The following ITSN2 variants were observed in gnomAD, a reference collection of about 807,000 sequenced individuals.
ITSN2 encodes the protein intersectin 2.
A neutral mutation model predicts 243.7 loss-of-function variants in ITSN2; 156 were observed. That is an observed-to-expected ratio of 0.64 (90% CI 0.56 to 0.73). The LOEUF (loss-of-function observed/expected upper bound fraction) is 0.73. Among genes scored for constraint, ITSN2 ranks in the 30% least tolerant of loss-of-function variants. The pLI, the probability that ITSN2 is intolerant of heterozygous loss-of-function variation, is 0.00. For missense variants in ITSN2, 1,801 were observed against 1,996.1 expected (o/e 0.90, Z 1.86); for synonymous variants, 703 against 699.9 (o/e 1.00, Z -0.07).
chr2:24,247,238 A>T (rs1673496506), intron 27 of ITSN2, among the ~76,000 whole-genome samples: 2 of 152,276 alleles, frequency 1.3e-5, no homozygotes, highest in South Asian at 4.2e-4. Flanking sequence ...CCCCAGTCAA[A>T]ACTGCACACC....
intron 37 of ITSN2, among the ~76,000 whole-genome samples, chr2:24,207,172 T>TACTC (rs1223085456): frequency 6.6e-6 from 1 of 152,036 alleles, no homozygotes; most frequent in Non-Finnish European, 1.5e-5. Flanking sequence ...GAAAAAAGAA[T>TACTC]ACTCCAGAAA....
At chr2:24,220,328 T>C (rs1670325630) in intron 30 of ITSN2, 2 of 985,264 alleles carry the variant, frequency 2.0e-6, no homozygotes, top group African/African-American at 1.7e-5. Flanking sequence ...ATAGTAGAAA[T>C]GGAAAGTCTT....
intron 35 of ITSN2, 135 bp from the exon 36 acceptor site, chr2:24,209,356 T>C (rs1669249831): frequency 2.2e-6 from 2 of 912,774 alleles, no homozygotes; most frequent in Non-Finnish European, 3.3e-6. Flanking sequence ...TAAGGTCTTC[T>C]ACACAGAACA....
chr2:24,303,798 C>T lies in ITSN2; in HGVS notation c.857+1G>A. 6.3e-7 allele frequency: 1 copy of T among 1,586,488 alleles called. No homozygotes were observed. Among genetic ancestry groups the T allele is most frequent in the Non-Finnish European group, 8.7e-7 (1 of 1,155,076 alleles). ...CAAATGTAATTAAGGGACAAACTTACCAAATAGTAGCCAGCTGAGTTTGAG... is the reference window on the plus strand; with the variant it reads ...CAAATGTAATTAAGGGACAAACTTATCAAATAGTAGCCAGCTGAGTTTGAG... On this transcript the variant is annotated splice_donor_variant, in intron 9 of 39. Transcript: ENST00000355123. LOFTEE classifies it high-confidence loss of function.
intron 20 of ITSN2, among the ~76,000 whole-genome samples, chr2:24,268,574 G>A (rs1676953543): frequency 6.6e-6 from 1 of 152,098 alleles, no homozygotes; most frequent in African/African-American, 2.4e-5. Flanking sequence ...CAGATACACA[G>A]ATGTGTACAC....
chr2:24,232,472 A>G (rs1671723067), intron 29 of ITSN2, among the ~76,000 whole-genome samples: 1 of 152,230 alleles, frequency 6.6e-6, no homozygotes, highest in Admixed American at 6.5e-5. Context: ...TCAGGCTAAA[A>G]TCTGCATTAC....
In ITSN2 at chr2:24,252,398, C is replaced by T; in HGVS notation, c.3067G>A (p.Gly1023Arg). The T allele has an allele frequency of 6.2e-7, 1 of 1,613,092 alleles. No individual in the cohort carries two copies. The highest frequency in any genetic ancestry group is 1.1e-5 in the South Asian group (1 of 91,040). Residue 1023 changes from glycine (G) to arginine (R), a missense_variant, in exon 25 of 40, where the codon GGA (glycine) becomes AGA (arginine). Gly to Arg is a moderately radical substitution (Grantham distance 125). This residue lies in a region of ITSN2 where 928 missense variants were observed against 1,065.4 expected (regional missense o/e 0.87). Coordinates refer to ENST00000355123, the MANE Select transcript of ITSN2 (RefSeq NM_006277.3). ...GATGGAAAAATTCCACTTCTATCTC[C>T]AATACTTCCTGTCCACCACTCTCCA... ...KDGEWWTGSI[G>R]DRSGIFPSNY...
At position 24,295,817 on chromosome 2, in the gene ITSN2, C is replaced by A; in HGVS notation, c.1495-13G>T. 1 of 1,496,052 alleles carries A rather than the reference C, an allele frequency of 6.7e-7. No homozygotes were observed. The highest frequency in any genetic ancestry group is 8.9e-7 in the Non-Finnish European group (1 of 1,124,532). 92.7% of individuals were successfully genotyped at this position (1,496,052 alleles called of 1,614,324 possible). A position where few individuals can be genotyped will look rare whatever the true frequency, so the allele number is the denominator to read the frequency against. ...GATGTTTGCCATTCTATAGGAAGATCATATAAATATATAGTAACATAAAAT... is the reference window on the plus strand; with the variant it reads ...GATGTTTGCCATTCTATAGGAAGATAATATAAATATATAGTAACATAAAAT... On this transcript the variant is annotated splice_polypyrimidine_tract_variant and intron_variant, in intron 13 of 39. Transcript: ENST00000355123.
At chr2:24,257,799 A>AT (rs1225167544) in intron 23 of ITSN2, 89 bp downstream of exon 23, 1 of 1,041,748 alleles carries the variant, frequency 9.6e-7, no homozygotes, top group Non-Finnish European at 1.5e-6. Context: ...TAAAATTGTT[A>AT]TTTTATTATA....
chr2:24,288,686 T>C (rs1279333271), intron 15 of ITSN2, among the ~76,000 whole-genome samples: 1 of 152,166 alleles, frequency 6.6e-6, no homozygotes, highest in Non-Finnish European at 1.5e-5. Flanking sequence ...ACACTTAAAA[T>C]CTATTCTCTT....
chr2:24,347,678 T>C (rs534969584), intron 1 of ITSN2, among the ~76,000 whole-genome samples: 38 of 150,400 alleles, frequency 2.5e-4, no homozygotes, highest in African/African-American at 8.0e-4. Context: ...AAGAGCGAAA[T>C]GTCATCTCAA....
intron 1 of ITSN2, chr2:24,334,626 TG>T: frequency 8.4e-7 from 1 of 1,196,430 alleles, no homozygotes; most frequent in Non-Finnish European, 1.2e-6. Flanking sequence ...CCAGGGAAAG[TG>T]GTGTTATACA....
At chr2:24,216,397 A>T in intron 31 of ITSN2, 165 bp from the exon 32 acceptor site, 1 of 523,612 alleles carries the variant, frequency 1.9e-6, no homozygotes, top group Non-Finnish European at 3.2e-6. Context: ...TTGGGCCAAA[A>T]GCTCTGCTGG....
intron 29 of ITSN2, among the ~76,000 whole-genome samples, chr2:24,223,301 A>G (rs975030585): frequency 3.9e-5 from 6 of 152,224 alleles, no homozygotes; most frequent in East Asian, 3.8e-4. Flanking sequence ...CAGCTTTTCT[A>G]TATTCTACAG....
chr2:24,267,409 GGAAA>G (rs1676796775), intron 20 of ITSN2, among the ~76,000 whole-genome samples: 2 of 149,892 alleles, frequency 1.3e-5, no homozygotes, highest in Admixed American at 6.6e-5. Context: ...ATGGTCTTAA[GGAAA>G]GGAATCACCG....
At chr2:24,305,574 C>T (rs1168206633) in intron 8 of ITSN2, among the ~76,000 whole-genome samples, 99 of 93,550 alleles carry the variant, frequency 1.1e-3, no homozygotes, top group African/African-American at 4.7e-3. Flanking sequence ...AAGACTCTGT[C>T]TCAAAAAAAA....
chr2:24,205,167 T>G (rs1668736636), intron 38 of ITSN2, 47 bp downstream of exon 38: 2 of 1,519,742 alleles, frequency 1.3e-6, no homozygotes, highest in Non-Finnish European at 1.8e-6. Flanking sequence ...CAGCAAAAAC[T>G]GGGGCAGGGC....
At chr2:24,242,837 A>G (rs1672890325) in intron 29 of ITSN2, among the ~76,000 whole-genome samples, 1 of 152,220 alleles carries the variant, frequency 6.6e-6, no homozygotes, top group African/African-American at 2.4e-5. Flanking sequence ...GCAAAACAAT[A>G]AAAGTATTCA....
intron 2 of ITSN2, among the ~76,000 whole-genome samples, chr2:24,317,792 C>A (rs1243363892): frequency 1.3e-5 from 2 of 152,170 alleles, no homozygotes; most frequent in Non-Finnish European, 2.9e-5. Flanking sequence ...GCAGAGGATA[C>A]CACTGCATGC....
Sources: gnomAD v4.1 joint callset for allele counts (sites outside exome capture counted in the v4.1 genomes callset) on GRCh38, gnomAD v4.1.1 for gene constraint, gnomAD v4.1.1 regional missense constraint, MANE v1.5 for transcripts, NCBI Gene and HGNC (gene_info 2026-07-23, HGNC 2026-07-21) for gene names.